SLC26A3: variants seen among roughly 807,000 people sequenced by gnomAD.
The protein encoded by SLC26A3 is chloride anion exchanger.
In SLC26A3, 64 loss-of-function variants were observed where a neutral mutation model predicts 85.6. The ratio of observed to expected loss-of-function variants is 0.75; its 90% CI spans 0.61 to 0.92. The LOEUF (loss-of-function observed/expected upper bound fraction) is 0.92, where lower values mean the gene tolerates loss of function less well. Ranked by LOEUF, SLC26A3 falls within the 40% of genes least tolerant of loss-of-function variation. The pLI is 0.00. For synonymous variants in SLC26A3, 349 were observed against 336.0 expected (o/e 1.04, Z -0.42); for missense variants, 922 against 927.3 (o/e 0.99, Z 0.07).
Position 107,783,283 on chromosome 7 carries a change from T to C in SLC26A3, c.1041A>G (p.Ala347=). 3.1e-6 allele frequency: 5 copies of C among 1,614,204 alleles called. No individual in the cohort carries two copies. Among genetic ancestry groups the C allele is most frequent in the Non-Finnish European group, 4.2e-6 (5 of 1,180,028 alleles). The change falls in exon 9 of 21, where the codon GCA becomes GCG. Residue 347 remains alanine (A), a synonymous_variant. Coordinates refer to ENST00000340010, the MANE Select transcript of SLC26A3 (RefSeq NM_000111.3). ...AAAAGGCCACTGCAAATGCAACCATTGCGATGCCGAAGCAATCTCCTACGG... is the reference window on the plus strand; with the variant it reads ...AAAAGGCCACTGCAAATGCAACCATCGCGATGCCGAAGCAATCTCCTACGG... The part of the protein sequence containing the change: ...QNTVGDCFGI[A]MVAFAVAFSV...
At position 107,783,235 on chromosome 7, in the gene SLC26A3, G is replaced by A. The variant is rs748065286; in HGVS notation, c.1089C>T (p.Leu363=). The A allele has an allele frequency of 6.2e-7, 1 of 1,614,184 alleles. No individual in the cohort carries two copies. The highest frequency in any genetic ancestry group is 8.5e-7 in the Non-Finnish European group (1 of 1,180,020). ...VAFSVASVYS[L]KYDYPLDGNQ... ...TGCCATCAAGTGGATAATCGTATTTGAGGGAATAGACGCTGGCAACTGAAA... is the reference window on the plus strand; with the variant it reads ...TGCCATCAAGTGGATAATCGTATTTAAGGGAATAGACGCTGGCAACTGAAA... The change falls in exon 9 of 21, where the codon CTC becomes CTT. Residue 363 remains leucine, a synonymous_variant. Transcript: ENST00000340010.
chr7:107,770,052 C>CTTTCTTTCTTTCTT (rs1562874255), intron 18 of SLC26A3, among the ~76,000 whole-genome samples: 2 of 32,584 alleles, frequency 6.1e-5, no homozygotes, highest in Non-Finnish European at 7.9e-5. Context: ...CTTTCTTTCT[C>CTTTCTTTCTTTCTT]TTTTCTTTCT....
chr7:107,775,865 A>T (rs145282119), intron 15 of SLC26A3: 84 of 155,280 alleles, frequency 5.4e-4, no homozygotes, highest in African/African-American at 1.4e-3. Context: ...TGTCGGATGC[A>T]TATCAAACTA....
In SLC26A3 at chr7:107,782,240, C is replaced by T. The variant is rs557707013; in HGVS notation, c.1311+557G>A. Among the ~76,000 whole-genome samples, 5 of 152,294 alleles carry T rather than the reference C, an allele frequency of 3.3e-5. No homozygotes were observed. The East Asian group carries it at 9.7e-4, about 29-fold the overall frequency. On this transcript the variant is annotated intron_variant, in intron 11 of 20. Coordinates refer to ENST00000340010, the MANE Select transcript of SLC26A3 (RefSeq NM_000111.3). Reference sequence around the variant, plus strand: ...TGATGGTATGTTTTATATCTGAGTGCTGCAGCAGTTTACAAAGTATTAAAC... The same window carrying T: ...TGATGGTATGTTTTATATCTGAGTGTTGCAGCAGTTTACAAAGTATTAAAC...
chr7:107,767,468 G>A, intron 20 of SLC26A3, 111 bp downstream of exon 20: 1 of 797,056 alleles, frequency 1.3e-6, no homozygotes, highest in Non-Finnish European at 2.2e-6. Context: ...AGGCACAGAG[G>A]CTCAAGCAAG....
chr7:107,768,106 T>TA (rs752657784), intron 18 of SLC26A3, among the ~76,000 whole-genome samples, 198 bp from the exon 19 acceptor site: 36 of 151,976 alleles, frequency 2.4e-4, no homozygotes, highest in Admixed American at 2.0e-3. Flanking sequence ...ACCTTTCTAA[T>TA]AAAAAAAATT....
chr7:107,781,005 G>C (rs1382304716), intron 11 of SLC26A3, among the ~76,000 whole-genome samples: 2 of 152,192 alleles, frequency 1.3e-5, no homozygotes, highest in Non-Finnish European at 2.9e-5. Context: ...AATATGTCAA[G>C]AGACACCTGT....
In SLC26A3 at chr7:107,789,597, A is replaced by G; in HGVS notation, c.662T>C (p.Val221Ala). 1 of 1,614,118 alleles carries G rather than the reference A, an allele frequency of 6.2e-7. No individual in the cohort carries two copies. The highest frequency in any genetic ancestry group is 8.5e-7 in the Non-Finnish European group (1 of 1,179,966). Residue 221 changes from valine to alanine, a missense_variant, in exon 6 of 21, where the codon GTT (valine) becomes GCT (alanine). Val to Ala is a moderately conservative substitution (Grantham distance 64, BLOSUM62 0). Coordinates refer to ENST00000340010, the MANE Select transcript of SLC26A3 (RefSeq NM_000111.3). ...AATGAATTTGAGTTGGGAAACCAAA[A>G]CATGAACAGCAGCAGCAGTAGTGAA... ...SGFTTAAAVH[V>A]LVSQLKFIFQ...
At chr7:107,788,201 C>T (rs537552922) in intron 6 of SLC26A3, among the ~76,000 whole-genome samples, 11 of 152,230 alleles carry the variant, frequency 7.2e-5, no homozygotes, top group African/African-American at 2.4e-4. Context: ...CTCCCAAAAA[C>T]TTTTGGGAGT....
At chr7:107,793,992 T>C (rs575551382) in intron 2 of SLC26A3, 111 bp from the exon 3 acceptor site, 1 of 1,365,968 alleles carries the variant, frequency 7.3e-7, no homozygotes, top group Non-Finnish European at 1.0e-6. Flanking sequence ...AAACTAGTAA[T>C]TTCACTCCCA....
chr7:107,768,115 T>A (rs949966520), intron 18 of SLC26A3, among the ~76,000 whole-genome samples: 1 of 152,268 alleles, frequency 6.6e-6, no homozygotes, highest in Admixed American at 6.5e-5. Flanking sequence ...ATAAAAAAAA[T>A]TTAATGCCCT....
At chr7:107,778,788 A>G (rs910722613) in intron 12 of SLC26A3, among the ~76,000 whole-genome samples, 10 of 152,144 alleles carry the variant, frequency 6.6e-5, no homozygotes, top group Non-Finnish European at 1.5e-4. Flanking sequence ...CCAGGAGTTC[A>G]AGACTAGCCT....
rs2115775254 is a variant in SLC26A3, at chr7:107,765,605, A to G, written c.*250T>C. 4.4e-6 allele frequency: 2 copies of G among 455,184 alleles called. No individual in the cohort carries two copies. Among genetic ancestry groups the G allele is most frequent in the South Asian group, 3.1e-5 (1 of 32,248 alleles). 28.2% of individuals were successfully genotyped at this position (455,184 alleles called of 1,614,324 possible). A position where few individuals can be genotyped will look rare whatever the true frequency, so the allele number is the denominator to read the frequency against. ...TAGGATGGAAATCTGTCAGTGCTAC[A>G]AAAATATGTATGAACAAAATAATTT... On this transcript the variant is annotated 3_prime_UTR_variant, in exon 21 of 21. Coordinates refer to ENST00000340010, the MANE Select transcript of SLC26A3 (RefSeq NM_000111.3).
rs35576676 is a variant in SLC26A3, at chr7:107,783,328, G to A, written c.996C>T (p.Asp332=). The A allele has an allele frequency of 5.7e-3, 9,240 of 1,614,146 alleles. 90 individuals are homozygous for A. Among genetic ancestry groups the A allele is most frequent in the South Asian group, 0.033 (2,990 of 91,084 alleles). ...CTACGGTGTTTTGGAAAGTCTCCACGTCAGGTGTAATAGGGGGCTGAAATC... is the reference window on the plus strand; with the variant it reads ...CTACGGTGTTTTGGAAAGTCTCCACATCAGGTGTAATAGGGGGCTGAAATC... The part of the protein sequence containing the change: ...NPGFQPPITP[D]VETFQNTVGD... Residue 332 remains aspartate, a synonymous_variant, in exon 9 of 21, where the codon GAC becomes GAT. Coordinates refer to ENST00000340010, the MANE Select transcript of SLC26A3 (RefSeq NM_000111.3).
intron 3 of SLC26A3, among the ~76,000 whole-genome samples, chr7:107,793,295 A>G (rs58062593): frequency 0.067 from 10,147 of 152,310 alleles, 406 homozygotes; most frequent in Admixed American, 0.1. Context: ...AATGTTCAAA[A>G]TAGCATTACT....
At chr7:107,801,375 C>G (rs1382378755) in intron 1 of SLC26A3, among the ~76,000 whole-genome samples, 1 of 152,144 alleles carries the variant, frequency 6.6e-6, no homozygotes, top group Non-Finnish European at 1.5e-5. Flanking sequence ...GCATGAAAGC[C>G]TCACACTCCT....
Position 107,779,767 on chromosome 7 carries a change from T to C in SLC26A3, c.1312-4A>G, listed in dbSNP as rs1584405267. 1 of 1,611,410 alleles carries C rather than the reference T, an allele frequency of 6.2e-7. No homozygotes were observed. Among genetic ancestry groups the C allele is most frequent in the South Asian group, 1.1e-5 (1 of 91,034 alleles). On this transcript the variant is annotated splice_polypyrimidine_tract_variant and splice_region_variant and intron_variant, in intron 11 of 20. Transcript: ENST00000340010. ...ATGCTAAAGCTGCCAGGACGGACTG[T>C]GAAAAACACAAACATCAGATGTACT... is the stretch of plus-strand genomic sequence containing the variant.
intron 6 of SLC26A3, among the ~76,000 whole-genome samples, chr7:107,787,863 A>T (rs1794324672): frequency 6.6e-6 from 1 of 152,134 alleles, no homozygotes; most frequent in South Asian, 2.1e-4. Flanking sequence ...TTTATTTCAC[A>T]GCCATCACTA....
intron 18 of SLC26A3, among the ~76,000 whole-genome samples, chr7:107,770,404 A>G (rs991216531): frequency 6.7e-6 from 1 of 149,350 alleles, no homozygotes; most frequent in Non-Finnish European, 1.5e-5. Flanking sequence ...CTACAGGCAC[A>G]TGCCACCACA....
Sources: allele counts gnomAD v4.1 joint callset (sites outside exome capture counted in the v4.1 genomes callset), GRCh38; gene constraint gnomAD v4.1.1; transcripts MANE v1.5; gene names NCBI Gene and HGNC (gene_info 2026-07-23, HGNC 2026-07-21).